The following ANK3 variants were observed in gnomAD, a reference collection of about 807,000 sequenced individuals.
The protein encoded by ANK3 is ankyrin 3.
Under a neutral mutation model 370.9 loss-of-function variants are expected in ANK3, and 57 were observed. That is an observed-to-expected ratio of 0.15 (90% CI 0.12 to 0.19). The LOEUF (loss-of-function observed/expected upper bound fraction) is 0.19, where lower values mean the gene tolerates loss of function less well. ANK3 is among the 10% of genes least tolerant of loss of function. The probability of loss-of-function intolerance (pLI) is 1.00; values close to 1 mark genes in which losing one functional copy is unlikely to be tolerated. For synonymous variants in ANK3, 1,929 were observed against 1,946.3 expected (o/e 0.99, Z 0.23); for missense variants, 4,439 against 5,302.1 (o/e 0.84, Z 5.06).
At chr10:60,255,137 A>G (rs565666038) in intron 7 of ANK3, among the ~76,000 whole-genome samples, 3 of 152,342 alleles carry the variant, frequency 2.0e-5, no homozygotes, top group African/African-American at 7.2e-5. Context: ...TGGATAATAA[A>G]TTATAACTTA....
chr10:60,367,735 A>C (rs143565330), intron 1 of ANK3, among the ~76,000 whole-genome samples: 2 of 152,352 alleles, frequency 1.3e-5, no homozygotes, highest in African/African-American at 4.8e-5. Context: ...TGCACTGCAG[A>C]TCTTTCTGAC....
intron 24 of ANK3, among the ~76,000 whole-genome samples, chr10:60,136,851 G>T (rs995358348): frequency 3.3e-5 from 5 of 152,126 alleles, no homozygotes; most frequent in African/African-American, 1.2e-4. Context: ...AAGATTATTT[G>T]CATGAGGATC....
At chr10:60,688,994 G>A (rs928408087) in intron 1 of ANK3, among the ~76,000 whole-genome samples, 3 of 151,276 alleles carry the variant, frequency 2.0e-5, no homozygotes, top group Non-Finnish European at 4.4e-5. Flanking sequence ...TTTGAACCTA[G>A]AAAATACTTT....
intron 2 of ANK3, among the ~76,000 whole-genome samples, chr10:60,401,503 G>C (rs1298317017): frequency 1.3e-5 from 2 of 152,154 alleles, no homozygotes; most frequent in Non-Finnish European, 2.9e-5. Flanking sequence ...CCACTATTCA[G>C]AAATGAGTAC....
chr10:60,406,309 G>C (rs2063454953), intron 2 of ANK3, among the ~76,000 whole-genome samples: 1 of 152,182 alleles, frequency 6.6e-6, no homozygotes, highest in African/African-American at 2.4e-5. Context: ...ATGGGTTGTA[G>C]TTTGCTGACC....
intron 1 of ANK3, among the ~76,000 whole-genome samples, chr10:60,374,059 T>C (rs2060454130): frequency 1.3e-5 from 2 of 152,030 alleles, no homozygotes; most frequent in African/African-American, 2.4e-5. Context: ...CTGTGATTTG[T>C]AGTCCTGCCC....
intron 4 of ANK3, among the ~76,000 whole-genome samples, chr10:60,275,931 T>G (rs1231920003): frequency 6.6e-6 from 1 of 152,196 alleles, no homozygotes; most frequent in Non-Finnish European, 1.5e-5. Context: ...TAATCATTGT[T>G]GATACATCTA....
chr10:60,169,046 T>A (rs151140902), intron 21 of ANK3, among the ~76,000 whole-genome samples: 33 of 152,310 alleles, frequency 2.2e-4, no homozygotes, highest in African/African-American at 7.7e-4. Flanking sequence ...CTTACATTCC[T>A]TTGGGTATAT....
chr10:60,061,308 A>G (rs2131936663), intron 40 of ANK3, among the ~76,000 whole-genome samples: 1 of 152,334 alleles, frequency 6.6e-6, no homozygotes. Flanking sequence ...AAATTTTGAA[A>G]AAGGAATTTA....
At chr10:60,684,577 A>G (rs1367352423) in intron 1 of ANK3, 2 of 1,587,886 alleles carry the variant, frequency 1.3e-6, no homozygotes, top group Non-Finnish European at 1.7e-6. Context: ...CCACATTGTT[A>G]TGCTGGGTTT....
intron 2 of ANK3, among the ~76,000 whole-genome samples, chr10:60,446,404 G>A (rs1173875926): frequency 6.6e-6 from 1 of 152,146 alleles, no homozygotes. Flanking sequence ...TCTGGGTAGT[G>A]CCTGATATTG....
chr10:60,365,051 A>G (rs932283729), intron 1 of ANK3, among the ~76,000 whole-genome samples: 6 of 117,286 alleles, frequency 5.1e-5, no homozygotes, highest in Admixed American at 1.7e-4. Context: ...GGCTTTGGCT[A>G]TTATTTGCCA....
chr10:60,436,316 C>A (rs2064158267), intron 2 of ANK3, among the ~76,000 whole-genome samples: 1 of 152,242 alleles, frequency 6.6e-6, no homozygotes, highest in South Asian at 2.1e-4. Flanking sequence ...GTTTTCAATT[C>A]CCTCAGGAAA....
intron 23 of ANK3, among the ~76,000 whole-genome samples, chr10:60,153,129 T>C (rs1389411915): frequency 6.6e-6 from 1 of 152,210 alleles, no homozygotes; most frequent in Non-Finnish European, 1.5e-5. Flanking sequence ...GAATATTGTA[T>C]AGAAATGAAA....
chr10:60,125,336 C>T lies in ANK3; in HGVS notation c.2841+8935G>A, dbSNP rs1207675520. ...AATCAAGGTCAGAGTGGAAGCTGAG[C>T]GTGTCAACACCCAGCTTGAGACATC... On this transcript the variant is annotated intron_variant, in intron 25 of 43. Coordinates refer to ENST00000280772, the MANE Select transcript of ANK3 (RefSeq NM_020987.5). Among the ~76,000 whole-genome samples the T allele has an allele frequency of 2.6e-5, 4 of 152,266 alleles. No homozygotes were observed. In the East Asian group the frequency reaches 7.7e-4, roughly 29 times the overall value.
chr10:60,174,226 A>G (rs904920756), intron 18 of ANK3, among the ~76,000 whole-genome samples: 1 of 152,198 alleles, frequency 6.6e-6, no homozygotes, highest in African/African-American at 2.4e-5. Context: ...CTTACCAGGG[A>G]TGTGCTGCCC....
intron 1 of ANK3, among the ~76,000 whole-genome samples, chr10:60,705,025 T>C (rs1008835606): frequency 3.3e-5 from 5 of 152,170 alleles, no homozygotes; most frequent in African/African-American, 1.2e-4. Flanking sequence ...AACATAGCTT[T>C]CCTAGAAAAG....
chr10:60,330,272 A>G (rs1391889596), intron 1 of ANK3, among the ~76,000 whole-genome samples: 1 of 152,240 alleles, frequency 6.6e-6, no homozygotes, highest in Non-Finnish European at 1.5e-5. Context: ...AAAAGCCAAA[A>G]TAGGCAAATG....
intron 2 of ANK3, among the ~76,000 whole-genome samples, chr10:60,599,043 C>G (rs34598607): frequency 6.6e-6 from 1 of 152,152 alleles, no homozygotes; most frequent in Admixed American, 6.5e-5. Flanking sequence ...ATCCTCCCAC[C>G]TGAGCCTCCT....
Sources: allele counts gnomAD v4.1 joint callset (sites outside exome capture counted in the v4.1 genomes callset), GRCh38; gene constraint gnomAD v4.1.1; transcripts MANE v1.5; gene names NCBI Gene and HGNC (gene_info 2026-07-23, HGNC 2026-07-21).